The following LAMA2 variants were observed in gnomAD, a reference collection of about 807,000 sequenced individuals.
LAMA2 encodes the protein laminin subunit alpha-2.
A neutral mutation model predicts 364.8 loss-of-function variants in LAMA2; 269 were observed. The ratio of observed to expected loss-of-function variants is 0.74; its 90% confidence interval spans 0.67 to 0.82. The LOEUF (loss-of-function observed/expected upper bound fraction) is 0.82. LAMA2 is among the 40% of genes least tolerant of loss of function. The pLI is 0.00. For missense variants in LAMA2, 3,807 were observed against 3,873.2 expected, an observed-to-expected ratio of 0.98 and a Z score of 0.45; for synonymous variants, 1,379 against 1,370.6, an observed-to-expected ratio of 1.01 and a Z score of -0.14.
At chr6:129,044,354 G>T (rs1461172146) in intron 1 of LAMA2, among the ~76,000 whole-genome samples, 1 of 152,018 alleles carries the variant, frequency 6.6e-6, no homozygotes, top group African/African-American at 2.4e-5. Flanking sequence ...GTGGGATTTT[G>T]AGAATGTAGA....
At chr6:128,963,922 A>T (rs1781688906) in intron 1 of LAMA2, among the ~76,000 whole-genome samples, 1 of 152,110 alleles carries the variant, frequency 6.6e-6, no homozygotes, top group Non-Finnish European at 1.5e-5. Flanking sequence ...GCATTATTCG[A>T]GGTTAATTTA....
chr6:129,461,326 C>T (rs1783245738), intron 49 of LAMA2, among the ~76,000 whole-genome samples: 1 of 151,920 alleles, frequency 6.6e-6, no homozygotes, highest in South Asian at 2.1e-4. Context: ...AGAAAGTAGC[C>T]CCAAAATGTT....
chr6:129,061,608 G>T (rs1788919589), intron 3 of LAMA2, among the ~76,000 whole-genome samples: 3 of 152,094 alleles, frequency 2.0e-5, no homozygotes, highest in Admixed American at 1.3e-4. Flanking sequence ...AATTTACTTT[G>T]CATACTCACT....
Position 129,298,596 on chromosome 6 carries a change from A to G in LAMA2, c.3037+731A>G, listed in dbSNP as rs531451014. 3.3e-5 allele frequency among the ~76,000 whole-genome samples: 5 copies of G among 152,298 alleles called. No individual in the cohort carries two copies. The East Asian group carries it at 7.7e-4, about 24-fold the overall frequency. ...TATTCCAACAATCACTAGTTTGAAT[A>G]TTACCTTTGTTTACTAATGTCATGG... On this transcript the variant is annotated intron_variant, in intron 21 of 64. Coordinates refer to ENST00000421865, the MANE Select transcript of LAMA2 (RefSeq NM_000426.4).
chr6:128,894,401 AT>A (rs1382953063), intron 1 of LAMA2, among the ~76,000 whole-genome samples: 1 of 152,136 alleles, frequency 6.6e-6, no homozygotes, highest in Admixed American at 6.6e-5. Context: ...ATTTTTCAGA[AT>A]TTTTATTTTC....
chr6:129,320,539 A>G lies in LAMA2; in HGVS notation c.4060A>G (p.Ile1354Val), dbSNP rs143674727. The G allele has an allele frequency of 2.1e-5, 33 of 1,579,138 alleles. No individual in the cohort carries two copies. The African/African-American group carries it at 3.9e-4, about 19-fold the overall frequency. The change falls in exon 28 of 65, where the codon ATT becomes GTT. Residue 1354 changes from isoleucine (I) to valine (V), a missense_variant and splice_region_variant. Transcript: ENST00000421865. Reference protein sequence around the residue: ...TYGNFMRQSRISEISMEVAEQ... With the variant: ...TYGNFMRQSRVSEISMEVAEQ... ...TAAGTACATTCTCGCTGTTTCTAGG[A>G]TTTCTGAAATCTCAATGGAGGTAGC...
intron 62 of LAMA2, among the ~76,000 whole-genome samples, chr6:129,509,299 T>C (rs1031514976): frequency 2.6e-5 from 4 of 152,200 alleles, no homozygotes; most frequent in Non-Finnish European, 5.9e-5. Context: ...TCCCATTCTG[T>C]GGGTTGTCAC....
chr6:129,240,883 C>T (rs1227581409), intron 12 of LAMA2, among the ~76,000 whole-genome samples: 1 of 152,142 alleles, frequency 6.6e-6, no homozygotes, highest in Non-Finnish European at 1.5e-5. Flanking sequence ...GTCTAAGTGA[C>T]TTAAATATTG....
intron 1 of LAMA2, among the ~76,000 whole-genome samples, chr6:128,974,572 A>G (rs146443588): frequency 6.6e-6 from 1 of 152,344 alleles, no homozygotes; most frequent in Non-Finnish European, 1.5e-5. Context: ...GAAAGTTCAC[A>G]TGCAGTTTTC....
chr6:129,128,797 A>T (rs372617930), intron 4 of LAMA2, among the ~76,000 whole-genome samples: 3 of 152,196 alleles, frequency 2.0e-5, no homozygotes, highest in African/African-American at 4.8e-5. Flanking sequence ...AGTATATTTC[A>T]TAGATGGCAT....
chr6:129,311,405 G>A (rs1050895701), intron 22 of LAMA2, among the ~76,000 whole-genome samples: 1 of 152,182 alleles, frequency 6.6e-6, no homozygotes, highest in Non-Finnish European at 1.5e-5. Flanking sequence ...ACAGGCATGA[G>A]CCACCGCGCC....
intron 60 of LAMA2, 57 bp downstream of exon 60, chr6:129,503,337 C>T: frequency 6.7e-7 from 1 of 1,487,462 alleles, no homozygotes. Flanking sequence ...TGGCAGCCAT[C>T]AGCATTCTCC....
Position 129,328,338 on chromosome 6 carries a change from A to G in LAMA2, c.4237A>G (p.Thr1413Ala), listed in dbSNP as rs1297737920. The change falls in exon 29 of 65, where the codon ACC becomes GCC. Residue 1413 changes from threonine (T) to alanine (A), a missense_variant. Around this residue, in one of 3 missense-constraint regions of LAMA2, gnomAD observed 3,333 missense variants for 3,345.7 expected, o/e 1.00. Transcript: ENST00000421865. ...ACCAGGTGGCCGCACCCCTGGACCA[A>G]CCCTGGGCACCTGTGTTCCATGTCA... ...SQPGGRTPGP[T>A]LGTCVPCQCN... is the part of the protein sequence containing the mutation. 6.2e-7 allele frequency: 1 copy of G among 1,613,962 alleles called. No individual in the cohort carries two copies. The highest frequency in any genetic ancestry group is 8.5e-7 in the Non-Finnish European group (1 of 1,180,022).
At chr6:129,485,387 A>C (rs185826736) in intron 55 of LAMA2, among the ~76,000 whole-genome samples, 1 of 152,362 alleles carries the variant, frequency 6.6e-6, no homozygotes, top group East Asian at 1.9e-4. Flanking sequence ...TGACATTTTA[A>C]TGTTTTAACA....
chr6:129,365,119 A>C (rs2114617110), intron 32 of LAMA2, among the ~76,000 whole-genome samples: 1 of 152,288 alleles, frequency 6.6e-6, no homozygotes, highest in South Asian at 2.1e-4. Context: ...ACAGATCCAA[A>C]CCATATCTGG....
At chr6:129,375,178 T>C (rs1362347441) in intron 34 of LAMA2, among the ~76,000 whole-genome samples, 2 of 152,186 alleles carry the variant, frequency 1.3e-5, no homozygotes, top group Non-Finnish European at 1.5e-5. Flanking sequence ...AAAAATTACA[T>C]AATCATATAT....
At chr6:128,986,677 G>A (rs1054502980) in intron 1 of LAMA2, among the ~76,000 whole-genome samples, 27 of 151,632 alleles carry the variant, frequency 1.8e-4, no homozygotes, top group East Asian at 7.7e-4. Flanking sequence ...TCTTAGCCAC[G>A]ATTTTATATT....
chr6:128,923,857 A>G (rs1305171994), intron 1 of LAMA2, among the ~76,000 whole-genome samples: 1 of 152,144 alleles, frequency 6.6e-6, no homozygotes, highest in Non-Finnish European at 1.5e-5. Flanking sequence ...TCCGCTTATG[A>G]TGTTTCCAAC....
chr6:129,298,222 A>G (rs760978106), intron 21 of LAMA2, among the ~76,000 whole-genome samples: 5 of 53,796 alleles, frequency 9.3e-5, no homozygotes, highest in African/African-American at 1.1e-4. Flanking sequence ...CCCCACGCCA[A>G]TGCATTTCAA....
Sources: allele counts gnomAD v4.1 joint callset (sites outside exome capture counted in the v4.1 genomes callset), GRCh38; gene constraint gnomAD v4.1.1; regional missense constraint gnomAD v4.1.1; transcripts MANE v1.5; gene names NCBI Gene and HGNC (gene_info 2026-07-23, HGNC 2026-07-21).